The following NHS variants were observed in gnomAD, a reference collection of about 807,000 sequenced individuals.
NHS encodes actin remodeling regulator NHS.
Under a neutral mutation model 72.5 loss-of-function variants are expected in NHS, and 5 were observed. The ratio of observed to expected loss-of-function variants is 0.07; its 90% CI spans 0.04 to 0.14. The LOEUF is 0.14. NHS is among the 10% of genes least tolerant of loss of function. The probability of loss-of-function intolerance (pLI) is 1.00; values close to 1 mark genes in which losing one functional copy is unlikely to be tolerated. For missense variants in NHS, 1,072 were observed against 1,355.7 expected (o/e 0.79, Z 3.29); for synonymous variants, 464 against 547.7 (o/e 0.85, Z 2.13).
chrX:17,713,395 G>C (rs2147131287), intron 3 of NHS, among the ~76,000 whole-genome samples: 1 of 111,823 alleles, frequency 8.9e-6, no homozygotes, highest in East Asian at 2.8e-4. Context: ...TTTGCTGTAA[G>C]GTCTTATTCT....
intron 1 of NHS, among the ~76,000 whole-genome samples, chrX:17,539,336 C>T (rs886573439): frequency 1.8e-5 from 2 of 109,947 alleles, no homozygotes; most frequent in Non-Finnish European, 3.8e-5. Context: ...TGGTTCTCCA[C>T]AGTCCTTAAT....
rs1162781418 is a variant in NHS at position 17,726,480 on chromosome X, T to G, written c.2374T>G (p.Cys792Gly). The change falls in exon 7 of 9, where the codon TGT becomes GGT. Residue 792 changes from cysteine to glycine, a missense_variant. Cys to Gly is a radical substitution (Grantham distance 159). Transcript: ENST00000676302. ...EGYYTSMHFD[C>G]GLKGNKSYVC... ...ATACTATACCTCCATGCACTTTGAC[T>G]GTGGTCTCAAAGGTAATAAGAGCTA... 8.3e-7 allele frequency: 1 copy of G among 1,212,043 alleles called. No individual in the cohort carries two copies. The highest frequency in any genetic ancestry group is 2.2e-5 in the Admixed American group (1 of 46,099).
At chrX:17,644,663 AT>A (rs1334792560) in intron 1 of NHS, among the ~76,000 whole-genome samples, 1 of 111,535 alleles carries the variant, frequency 9.0e-6, no homozygotes, top group Non-Finnish European at 1.9e-5. Flanking sequence ...AAAGTCAGGC[AT>A]GGCTCCAAAC....
Position 17,431,576 on chromosome X carries a change from G to C in NHS, c.565+55254G>C, listed in dbSNP as rs1297675347. 4.8e-4 allele frequency among the ~76,000 whole-genome samples: 54 copies of C among 111,573 alleles called. No individual in the cohort carries two copies. In the Admixed American group the frequency reaches 5.1e-3, roughly 11 times the overall value. ...CAACAGTGTAGTAAGATGCTTGGTG[G>C]ACTCCAATAATTCATCTATCCCATG... On this transcript the variant is annotated intron_variant, in intron 1 of 8. Coordinates refer to ENST00000676302, the MANE Select transcript of NHS (RefSeq NM_001291867.2).
chrX:17,608,049 T>C (rs2065690507), intron 1 of NHS, among the ~76,000 whole-genome samples: 1 of 107,881 alleles, frequency 9.3e-6, no homozygotes, highest in African/African-American at 3.4e-5. Flanking sequence ...CCAGAGTAGC[T>C]AGGACTACAG....
chrX:17,663,152 TAATA>T (rs1476404705), intron 1 of NHS, among the ~76,000 whole-genome samples: 5 of 111,734 alleles, frequency 4.5e-5, no homozygotes, highest in Non-Finnish European at 5.6e-5. Context: ...TGCATGGAAA[TAATA>T]AATAATGACA....
chrX:17,376,059 A>C lies in NHS; in HGVS notation c.302A>C (p.Glu101Ala), dbSNP rs886428017. The C allele has an allele frequency of 1.1e-5, 12 of 1,054,214 alleles. No homozygotes were observed. In the African/African-American group the frequency reaches 1.4e-4, roughly 12 times the overall value. 86.9% of individuals were successfully genotyped at this position (1,054,214 alleles called of 1,213,427 possible). ...AGEESTAGIP[E>A]AAPAAGEASS... is the part of the protein sequence containing the mutation. ...GAGGAGAGCACGGCGGGGATCCCGG[A>C]GGCGGCGCCCGCAGCCGGCGAGGCG... The change falls in exon 1 of 9, where the codon GAG (glutamate) becomes GCG (alanine). Residue 101 changes from glutamate to alanine, a missense_variant. Coordinates refer to ENST00000676302, the MANE Select transcript of NHS (RefSeq NM_001291867.2).
chrX:17,418,426 T>C (rs1358639756), intron 1 of NHS, among the ~76,000 whole-genome samples: 1 of 111,458 alleles, frequency 9.0e-6, no homozygotes, highest in Non-Finnish European at 1.9e-5. Context: ...TGGGAGAAAT[T>C]TTACAACTAC....
At chrX:17,469,577 G>A (rs753362286) in intron 1 of NHS, among the ~76,000 whole-genome samples, 18 of 111,868 alleles carry the variant, frequency 1.6e-4, no homozygotes, top group Non-Finnish European at 3.2e-4. Context: ...CCAGAGCAAT[G>A]CCCCCTTCAT....
intron 3 of NHS, among the ~76,000 whole-genome samples, chrX:17,712,972 T>C (rs765505763): frequency 1.8e-5 from 2 of 111,504 alleles, no homozygotes; most frequent in Admixed American, 1.9e-4. Context: ...TTACCCATGA[T>C]TGTTCACCTT....
chrX:17,498,913 G>T (rs1225891010), intron 1 of NHS, among the ~76,000 whole-genome samples: 1 of 111,867 alleles, frequency 8.9e-6, no homozygotes, highest in African/African-American at 3.3e-5. Flanking sequence ...CTGTGTTGAT[G>T]CAGATTTAGA....
chrX:17,576,487 G>A (rs981299527), intron 1 of NHS, among the ~76,000 whole-genome samples: 2 of 111,615 alleles, frequency 1.8e-5, no homozygotes, highest in Non-Finnish European at 3.8e-5. Flanking sequence ...CATGGGTGGT[G>A]TTCTAAACAA....
At chrX:17,665,700 C>T (rs2066009134) in intron 1 of NHS, among the ~76,000 whole-genome samples, 1 of 111,479 alleles carries the variant, frequency 9.0e-6, no homozygotes, top group Non-Finnish European at 1.9e-5. Flanking sequence ...AGTGTTCTCT[C>T]CTCCTCTATT....
chrX:17,538,231 G>C (rs1406430555), intron 1 of NHS, among the ~76,000 whole-genome samples: 1 of 112,149 alleles, frequency 8.9e-6, no homozygotes, highest in Non-Finnish European at 1.9e-5. Context: ...AGGTGCGGGA[G>C]CTGAGACCTG....
intron 1 of NHS, among the ~76,000 whole-genome samples, chrX:17,393,007 T>C (rs1176649830): frequency 8.9e-6 from 1 of 112,313 alleles, no homozygotes; most frequent in Non-Finnish European, 1.9e-5. Context: ...CCATTCATGT[T>C]GTTGCATGTA....
chrX:17,437,216 C>G (rs899034213), intron 1 of NHS, among the ~76,000 whole-genome samples: 1 of 111,358 alleles, frequency 9.0e-6, no homozygotes, highest in African/African-American at 3.3e-5. Flanking sequence ...TTTTAAGTAC[C>G]ATAGGTTCAA....
At chrX:17,702,689 C>T (rs1439935640) in intron 3 of NHS, among the ~76,000 whole-genome samples, 5 of 110,823 alleles carry the variant, frequency 4.5e-5, no homozygotes, top group East Asian at 2.8e-4. Context: ...TGTCTCAAAA[C>T]GAAAACAAAA....
intron 1 of NHS, among the ~76,000 whole-genome samples, chrX:17,456,277 C>G (rs2064825403): frequency 9.0e-6 from 1 of 111,689 alleles, no homozygotes; most frequent in South Asian, 3.7e-4. Flanking sequence ...AAAATGAAGT[C>G]CATTTGTTCA....
intron 1 of NHS, among the ~76,000 whole-genome samples, chrX:17,624,329 T>C (rs542963847): frequency 2.7e-5 from 3 of 112,304 alleles, no homozygotes; most frequent in East Asian, 5.6e-4. Context: ...TTGAGTGATG[T>C]CTAACATACA....
Sources: allele counts gnomAD v4.1 joint callset (sites outside exome capture counted in the v4.1 genomes callset), GRCh38; gene constraint gnomAD v4.1.1; transcripts MANE v1.5; gene names NCBI Gene and HGNC (gene_info 2026-07-23, HGNC 2026-07-21).